The following UEVLD variants were observed in gnomAD, a reference collection of about 807,000 sequenced individuals.
UEVLD encodes the protein ubiquitin-conjugating enzyme E2 variant 3.
In UEVLD, 47 loss-of-function variants were observed where a neutral mutation model predicts 58.6. The ratio of observed to expected loss-of-function variants is 0.80; its 90% CI spans 0.63 to 1.02. UEVLD has a LOEUF of 1.02. Ranked by LOEUF, UEVLD falls within the 50% of genes least tolerant of loss-of-function variation. The pLI is 0.00. For synonymous variants in UEVLD, 197 were observed against 195.3 expected (o/e 1.01, Z -0.07); for missense variants, 510 against 550.6 (o/e 0.93, Z 0.74).
In UEVLD at chr11:18,530,518, AACTC is replaced by A. The variant is rs1317338400; in HGVS notation, c.*1798_*1801del. 5 of 152,120 alleles carry A rather than the reference AACTC, an allele frequency of 3.3e-5. No individual in the cohort carries two copies. The highest frequency in any genetic ancestry group is 1.3e-4 in the Admixed American group (2 of 15,252). 9.4% of individuals were successfully genotyped at this position (152,120 alleles called of 1,614,324 possible). A position where few individuals can be genotyped will look rare whatever the true frequency, so the allele number is the denominator to read the frequency against. ...TGTGTCTGCCCTTATAAACCCTCCT[AACTC>A]CATCTGGATTAACCTATTATATGCT... On this transcript the variant is annotated 3_prime_UTR_variant, in exon 12 of 12. Transcript: ENST00000396197.
At chr11:18,584,693 C>T (rs927666082) in intron 1 of UEVLD, among the ~76,000 whole-genome samples, 9 of 152,108 alleles carry the variant, frequency 5.9e-5, no homozygotes, top group Non-Finnish European at 1.2e-4. Flanking sequence ...AGTGCAGTGG[C>T]GTGATCTCAG....
At chr11:18,571,887 A>G (rs999309255) in intron 3 of UEVLD, among the ~76,000 whole-genome samples, 2 of 151,714 alleles carry the variant, frequency 1.3e-5, no homozygotes, top group Admixed American at 6.6e-5. Context: ...ACAGTTAGCT[A>G]TGATCACACC....
intron 1 of UEVLD, among the ~76,000 whole-genome samples, chr11:18,587,030 T>C (rs985655104): frequency 1.3e-5 from 2 of 152,058 alleles, no homozygotes; most frequent in African/African-American, 4.8e-5. Context: ...AGACTCCGTC[T>C]CAAAACAAAC....
chr11:18,568,901 A>T (rs1025498984), intron 4 of UEVLD, among the ~76,000 whole-genome samples: 18 of 147,418 alleles, frequency 1.2e-4, no homozygotes, highest in African/African-American at 2.5e-4. Context: ...ATATAAACAT[A>T]TTTTTTTTTT....
chr11:18,587,770 TC>T (rs1271689529), intron 1 of UEVLD: 2 of 151,136 alleles, frequency 1.3e-5, no homozygotes, highest in Non-Finnish European at 2.9e-5. Flanking sequence ...ACCACTGCAC[TC>T]CAGCCTGGGG....
intron 1 of UEVLD, among the ~76,000 whole-genome samples, chr11:18,582,861 A>G (rs949489175): frequency 5.3e-5 from 8 of 152,182 alleles, no homozygotes; most frequent in African/African-American, 1.9e-4. Flanking sequence ...AGACTGAAAA[A>G]TTGAGTTTAA....
At chr11:18,579,528 C>T (rs1195755044) in intron 1 of UEVLD, 10 of 984,036 alleles carry the variant, frequency 1.0e-5, no homozygotes, top group East Asian at 2.3e-4. Context: ...TGAGATACCT[C>T]GACTTTCCCC....
chr11:18,549,373 G>A (rs1026821794), intron 7 of UEVLD, among the ~76,000 whole-genome samples: 19 of 152,084 alleles, frequency 1.2e-4, no homozygotes, highest in African/African-American at 4.6e-4. Flanking sequence ...TCATCTTCAA[G>A]GTTGACTTAG....
intron 4 of UEVLD, 106 bp downstream of exon 4, chr11:18,570,108 T>C (rs1441510498): frequency 1.7e-6 from 2 of 1,187,594 alleles, no homozygotes; most frequent in African/African-American, 1.6e-5. Flanking sequence ...ATGAAGAATA[T>C]CATTGAAAGA....
In UEVLD at chr11:18,532,470, A is replaced by G. The variant is rs1418415445; in HGVS notation, c.1266T>C (p.Asn422=). 4.4e-6 allele frequency: 7 copies of G among 1,608,712 alleles called. No homozygotes were observed. Among genetic ancestry groups the G allele is most frequent in the East Asian group, 2.2e-5 (1 of 44,712 alleles). ...SALAKGYYDI[N]SEVFLSLPCI... ...AAGGCAAACTTAAAAACACTTCACT[A>G]TTTATATCATAATATCCCTGAAATG... is the stretch of plus-strand genomic sequence containing the variant. The change falls in exon 12 of 12, where the codon AAT becomes AAC. Residue 422 remains asparagine (N), a synonymous_variant. Transcript: ENST00000396197.
chr11:18,565,047 A>C, intron 5 of UEVLD, 37 bp from the exon 6 acceptor site: 2 of 1,475,460 alleles, frequency 1.4e-6, no homozygotes, highest in South Asian at 2.4e-5. Flanking sequence ...GAATTCAAAA[A>C]TATCAAGAAT....
At chr11:18,535,737 A>G (rs1340138687) in intron 10 of UEVLD, among the ~76,000 whole-genome samples, 1 of 152,130 alleles carries the variant, frequency 6.6e-6, no homozygotes, top group Non-Finnish European at 1.5e-5. Context: ...TTGCCTGAAC[A>G]TATAATATGG....
At chr11:18,558,784 A>G (rs1368967651) in intron 6 of UEVLD, among the ~76,000 whole-genome samples, 1 of 146,454 alleles carries the variant, frequency 6.8e-6, no homozygotes, top group African/African-American at 2.5e-5. Flanking sequence ...CTCTATCTCA[A>G]AAAAAAAAAA....
chr11:18,581,253 G>A (rs891643283), intron 1 of UEVLD, among the ~76,000 whole-genome samples: 2 of 151,392 alleles, frequency 1.3e-5, no homozygotes, highest in Admixed American at 6.6e-5. Flanking sequence ...GTAAAAGTGA[G>A]ATAATAAACA....
intron 6 of UEVLD, among the ~76,000 whole-genome samples, chr11:18,558,908 CT>C (rs1362379727): frequency 3.3e-5 from 5 of 152,118 alleles, no homozygotes; most frequent in Admixed American, 1.3e-4. Context: ...GCATTTCACT[CT>C]TGTCGCCCAG....
rs200477224 is a variant in UEVLD, at chr11:18,534,438, T to C, written c.1140A>G (p.Leu380=). ...VQLSNRAMEL[L]RVKGQRSWSV... is the part of the protein sequence containing the mutation. Reference sequence around the variant, plus strand: ...ACCAGGATCTTTGACCTTTTACTCTTAGCAGTTCCATGGCTCTAGGTTACA... The same window carrying C: ...ACCAGGATCTTTGACCTTTTACTCTCAGCAGTTCCATGGCTCTAGGTTACA... Residue 380 remains leucine, a synonymous_variant, in exon 11 of 12, where the codon CTA becomes CTG. Coordinates refer to ENST00000396197, the MANE Select transcript of UEVLD (RefSeq NM_001040697.4). 145 of 1,572,422 alleles carry C rather than the reference T, an allele frequency of 9.2e-5. No individual in the cohort carries two copies. Among genetic ancestry groups the C allele is most frequent in the Non-Finnish European group, 1.2e-4 (141 of 1,167,530 alleles).
At chr11:18,553,689 T>G (rs1277045441) in intron 7 of UEVLD, among the ~76,000 whole-genome samples, 3 of 152,220 alleles carry the variant, frequency 2.0e-5, no homozygotes, top group Admixed American at 6.5e-5. Context: ...AAATGAATGA[T>G]GCACTGACAC....
chr11:18,559,209 T>C (rs757981875), intron 6 of UEVLD, among the ~76,000 whole-genome samples: 9 of 151,096 alleles, frequency 6.0e-5, no homozygotes, highest in Non-Finnish European at 1.3e-4. Context: ...TCTTTTCTTT[T>C]TTTTTCTGAG....
At chr11:18,534,915 T>G (rs1306877032) in intron 10 of UEVLD, among the ~76,000 whole-genome samples, 1 of 152,190 alleles carries the variant, frequency 6.6e-6, no homozygotes, top group Non-Finnish European at 1.5e-5. Context: ...TATGCTCAAG[T>G]GTGCAAAGAT....
Sources: allele counts gnomAD v4.1 joint callset (sites outside exome capture counted in the v4.1 genomes callset), GRCh38; gene constraint gnomAD v4.1.1; transcripts MANE v1.5; gene names NCBI Gene and HGNC (gene_info 2026-07-23, HGNC 2026-07-21).